The following UVSSA variants were observed in gnomAD, a reference collection of about 807,000 sequenced individuals.
The protein encoded by UVSSA is UV stimulated scaffold protein A, also known as UV-stimulated scaffold protein A.
UVSSA carries 72 observed loss-of-function variants against 73.9 expected under a neutral mutation model. The observed-to-expected ratio is 0.97, with a 90% CI of 0.81 to 1.19. The LOEUF (loss-of-function observed/expected upper bound fraction) is 1.19. Ranked by LOEUF, UVSSA falls within the 50% of genes most tolerant of loss-of-function variation. The pLI is 0.00. For missense variants in UVSSA, 1,150 were observed against 965.0 expected (o/e 1.19, Z -2.54); for synonymous variants, 454 against 391.3 (o/e 1.16, Z -1.89).
intron 8 of UVSSA, among the ~76,000 whole-genome samples, chr4:1,372,342 A>G (rs908553709): frequency 1.3e-5 from 2 of 152,058 alleles, no homozygotes; most frequent in African/African-American, 2.4e-5. Flanking sequence ...GCGTCCATCC[A>G]TGGCACTTTC....
chr4:1,355,269 G>C, intron 7 of UVSSA, 24 bp downstream of exon 7: 1 of 1,593,598 alleles, frequency 6.3e-7, no homozygotes, highest in Non-Finnish European at 8.5e-7. Flanking sequence ...CGGCGAGCGG[G>C]AAGGGGTCCC....
chr4:1,361,392 G>T (rs1040629338), intron 7 of UVSSA, among the ~76,000 whole-genome samples: 1 of 152,266 alleles, frequency 6.6e-6, no homozygotes, highest in Non-Finnish European at 1.5e-5. Flanking sequence ...TCTTGTAAGA[G>T]CGTGTTGATG....
At chr4:1,395,813 G>C (rs776775196) in exon 14 of UVSSA, 39 of 1,614,020 alleles carry the variant, frequency 2.4e-5, no homozygotes, top group Middle Eastern at 1.6e-4. Flanking sequence ...TTTATGTCAA[G>C]GATCCCTTTT....
chr4:1,385,675 C>T, intron 13 of UVSSA, 193 bp from the exon 14 acceptor site: 1 of 613,564 alleles, frequency 1.6e-6, no homozygotes, highest in Non-Finnish European at 2.9e-6. Context: ...CTTTCTAAGC[C>T]TGTCTGTCTC....
rs1175431233 is a variant in UVSSA, at chr4:1,380,221, C to T, written c.1743C>T (p.Asp581=). ...RPDGRLCERQ[D]RLKCPFHGKI... is the part of the protein sequence containing the mutation. ...ACGGCCGGCTCTGTGAGCGCCAAGACCGGCTGAAGGTGAGGCCGTGGCCCG... is the reference window on the plus strand; with the variant it reads ...ACGGCCGGCTCTGTGAGCGCCAAGATCGGCTGAAGGTGAGGCCGTGGCCCG... The change falls in exon 11 of 14, where the codon GAC becomes GAT. Residue 581 remains aspartate (D), a synonymous_variant. Coordinates refer to ENST00000389851, the MANE Select transcript of UVSSA (RefSeq NM_020894.4). 6.2e-6 allele frequency: 10 copies of T among 1,611,394 alleles called. No homozygotes were observed. The highest frequency in any genetic ancestry group is 1.3e-5 in the African/African-American group (1 of 74,912).
chr4:1,370,991 C>T (rs1185284960), intron 8 of UVSSA, among the ~76,000 whole-genome samples: 1 of 152,238 alleles, frequency 6.6e-6, no homozygotes, highest in Non-Finnish European at 1.5e-5. Flanking sequence ...CCTTGCAGTA[C>T]CCCCAGTTCT....
intron 6 of UVSSA, 115 bp downstream of exon 6, chr4:1,354,962 C>T (rs988257103): frequency 8.5e-6 from 13 of 1,529,142 alleles, no homozygotes; most frequent in East Asian, 4.9e-5. Context: ...CCTTAACCCG[C>T]GAGGGCTCTG....
At chr4:1,344,490 G>A (rs1488474161), upstream of UVSSA, among the ~76,000 whole-genome samples, 1 of 152,160 alleles carries the variant, frequency 6.6e-6, no homozygotes, top group African/African-American at 2.4e-5. Flanking sequence ...GGCAGAGGTT[G>A]CAGTGAGCCG....
At chr4:1,375,925 CCTGATCCGACCCGAGG>C in intron 9 of UVSSA, 93 bp from the exon 10 acceptor site, 3 of 1,493,532 alleles carry the variant, frequency 2.0e-6, no homozygotes, top group Non-Finnish European at 2.7e-6. Flanking sequence ...CCATTGCTCA[CCTGATCCGACCCGAGG>C]CCCCAGCCTT....
intron 4 of UVSSA, 119 bp downstream of exon 4, chr4:1,351,954 G>A: frequency 6.8e-7 from 1 of 1,473,506 alleles, no homozygotes; most frequent in Non-Finnish European, 9.1e-7. Context: ...AGACAGGCTA[G>A]GTGGAGAGGA....
At chr4:1,355,308 T>C in intron 7 of UVSSA, 63 bp downstream of exon 7, 4 of 1,104,306 alleles carry the variant, frequency 3.6e-6, no homozygotes, top group Non-Finnish European at 5.0e-6. Context: ...GGAGAAGCTG[T>C]GGGGGGGTTG....
At chr4:1,353,635 C>T (rs1213408766) in intron 5 of UVSSA, among the ~76,000 whole-genome samples, 1 of 152,308 alleles carries the variant, frequency 6.6e-6, no homozygotes, top group Non-Finnish European at 1.5e-5. Context: ...TCTAAGAGCT[C>T]ATGGCAGCCC....
chr4:1,384,975 C>G (rs959821491), intron 13 of UVSSA: 1 of 152,378 alleles, frequency 6.6e-6, no homozygotes, highest in East Asian at 1.9e-4. Context: ...GGACCCATCC[C>G]GTATGCCAGC....
At chr4:1,351,141 C>T (rs999720629) in intron 3 of UVSSA, among the ~76,000 whole-genome samples, 4 of 152,096 alleles carry the variant, frequency 2.6e-5, no homozygotes, top group Admixed American at 2.6e-4. Context: ...TCTCAGCTCA[C>T]TGCAAGCTCC....
intron 9 of UVSSA, 89 bp from the exon 10 acceptor site, chr4:1,375,945 C>A: frequency 6.5e-7 from 1 of 1,531,946 alleles, no homozygotes. Context: ...CCCGAGGCCC[C>A]AGCCTTGCTG....
At chr4:1,366,269 G>A (rs1017707008) in intron 7 of UVSSA, 51 bp from the exon 8 acceptor site, 13 of 1,449,634 alleles carry the variant, frequency 9.0e-6, no homozygotes, top group Non-Finnish European at 1.2e-5. Context: ...CGGGAGCTGT[G>A]TTCATACACA....
intron 4 of UVSSA, among the ~76,000 whole-genome samples, chr4:1,352,330 T>C (rs1714905554): frequency 6.6e-6 from 1 of 152,220 alleles, no homozygotes; most frequent in Non-Finnish European, 1.5e-5. Context: ...TCAGACTACA[T>C]GTACCCCAGA....
intron 7 of UVSSA, among the ~76,000 whole-genome samples, chr4:1,363,714 G>A (rs1305705370): frequency 6.6e-6 from 1 of 152,192 alleles, no homozygotes; most frequent in Non-Finnish European, 1.5e-5. Flanking sequence ...CAGACGTGAT[G>A]GATCGCCATC....
chr4:1,348,308 T>G, intron 2 of UVSSA, 119 bp downstream of exon 2: 1 of 766,540 alleles, frequency 1.3e-6, no homozygotes, highest in Non-Finnish European at 2.2e-6. Context: ...ACCCAGGACA[T>G]TTTCTCGGGG....
Sources: allele counts gnomAD v4.1 joint callset (sites outside exome capture counted in the v4.1 genomes callset), GRCh38; gene constraint gnomAD v4.1.1; transcripts MANE v1.5; gene names NCBI Gene and HGNC (gene_info 2026-07-23, HGNC 2026-07-21).